Variants in RBFOX1 observed in about 807,000 individuals in gnomAD.
RBFOX1 encodes RNA binding protein fox-1 homolog 1.
In RBFOX1, 8 loss-of-function variants were observed where a neutral mutation model predicts 57.7. That is an observed-to-expected ratio of 0.14 (90% CI 0.08 to 0.25). RBFOX1 has a LOEUF of 0.25. Ranked by LOEUF, RBFOX1 falls within the 10% of genes least tolerant of loss-of-function variation. The probability of loss-of-function intolerance (pLI) is 1.00; values close to 1 mark genes in which losing one functional copy is unlikely to be tolerated. For synonymous variants in RBFOX1, 326 were observed against 222.4 expected (o/e 1.47, Z -4.15); for missense variants, 611 against 548.5 (o/e 1.11, Z -1.14).
At chr16:7,408,511 C>G (rs1165982764) in intron 4 of RBFOX1, among the ~76,000 whole-genome samples, 2 of 152,066 alleles carry the variant, frequency 1.3e-5, no homozygotes, top group African/African-American at 4.8e-5. Context: ...TAGCTAATTC[C>G]CGACACTTTT....
At chr16:6,181,873 T>A (rs2097065800) in intron 1 of RBFOX1, among the ~76,000 whole-genome samples, 1 of 152,192 alleles carries the variant, frequency 6.6e-6, no homozygotes, top group African/African-American at 2.4e-5. Flanking sequence ...TGGTTGTAGG[T>A]TCCTTCCAGC....
chr16:6,863,800 G>C (rs1466311448), intron 3 of RBFOX1, among the ~76,000 whole-genome samples: 1 of 131,288 alleles, frequency 7.6e-6, no homozygotes, highest in Non-Finnish European at 1.5e-5. Flanking sequence ...TTGTGATACA[G>C]TCTCAGGAGG....
rs1320305951 is a variant in RBFOX1, at chr16:6,656,917, C to A, written c.-16+2267C>A. Among the ~76,000 whole-genome samples, 29 of 134,318 alleles carry A rather than the reference C, an allele frequency of 2.2e-4. 2 individuals carry two copies. The highest frequency in any genetic ancestry group is 5.3e-4 in the African/African-American group (18 of 33,680). The allele number at this position is 134,318 out of a possible 152,430, so 88.1% of individuals were successfully genotyped here. On this transcript the variant is annotated intron_variant, in intron 3 of 15. Coordinates refer to ENST00000550418, the MANE Select transcript of RBFOX1 (RefSeq NM_018723.4). ...CCTCCCCTCAACTCTCCTCTCCTCCCCTCTCCTCTCCTCCCCTCTCCTCCC... is the reference window on the plus strand; with the variant it reads ...CCTCCCCTCAACTCTCCTCTCCTCCACTCTCCTCTCCTCCCCTCTCCTCCC...
At chr16:6,063,516 T>G (rs1356430235) in intron 1 of RBFOX1, among the ~76,000 whole-genome samples, 1 of 135,416 alleles carries the variant, frequency 7.4e-6, no homozygotes, top group Non-Finnish European at 1.7e-5. Context: ...CCCCCTTATA[T>G]TTTTCCCCTA....
chr16:7,261,494 C>A (rs979110689), intron 4 of RBFOX1, among the ~76,000 whole-genome samples: 4 of 152,100 alleles, frequency 2.6e-5, no homozygotes, highest in Admixed American at 1.3e-4. Flanking sequence ...CGTCTCCCTG[C>A]CAAAGGGAAC....
At position 5,890,633 on chromosome 16, in the gene RBFOX1, A is replaced by G. The variant is rs548760293; in HGVS notation, c.351+23298A>G. Reference sequence around the variant, plus strand: ...AATCGCTTGAACCCAGGAGGTGGAGATTGCAGTGAGCCGAGATCATACCAC... The same window carrying G: ...AATCGCTTGAACCCAGGAGGTGGAGGTTGCAGTGAGCCGAGATCATACCAC... On this transcript the variant is annotated intron_variant, in intron 4 of 19. Transcript: ENST00000641259. Among the ~76,000 whole-genome samples the G allele has an allele frequency of 1.0e-3, 146 of 139,658 alleles. 2 individuals are homozygous for G. Among genetic ancestry groups the G allele is most frequent in the Non-Finnish European group, 4.8e-4 (31 of 64,874 alleles). The allele number at this position is 139,658 out of a possible 152,430, so 91.6% of individuals were successfully genotyped here.
At chr16:6,604,824 T>C (rs763884178) in intron 2 of RBFOX1, among the ~76,000 whole-genome samples, 1 of 152,120 alleles carries the variant, frequency 6.6e-6, no homozygotes, top group Non-Finnish European at 1.5e-5. Context: ...TGTAACTGAA[T>C]GAATAGATGA....
In RBFOX1 at chr16:7,713,340, A is replaced by C. The variant is rs539163144; in HGVS notation, c.*2595A>C. ...AAATAAAAGCTTAGTCTGAAAAGGTACAAGTTGGTGTTCTGAGTTATTTGG... is the reference window on the plus strand; with the variant it reads ...AAATAAAAGCTTAGTCTGAAAAGGTCCAAGTTGGTGTTCTGAGTTATTTGG... On this transcript the variant is annotated 3_prime_UTR_variant, in exon 16 of 16. Transcript: ENST00000550418. 1 of 152,262 alleles carries C rather than the reference A, an allele frequency of 6.6e-6. No homozygotes were observed. Among genetic ancestry groups the C allele is most frequent in the Non-Finnish European group, 1.5e-5 (1 of 68,048 alleles). The allele number at this position is 152,262 out of a possible 1,614,324, so 9.4% of individuals were successfully genotyped here. A position where few individuals can be genotyped will look rare whatever the true frequency, so the allele number is the denominator to read the frequency against.
At chr16:7,356,147 T>C (rs999589338) in intron 4 of RBFOX1, among the ~76,000 whole-genome samples, 2 of 152,194 alleles carry the variant, frequency 1.3e-5, no homozygotes, top group African/African-American at 4.8e-5. Flanking sequence ...CAATCCTTTA[T>C]TCATCACGTA....
At chr16:5,541,143 C>A (rs1034189820) in intron 2 of RBFOX1, among the ~76,000 whole-genome samples, 8 of 152,078 alleles carry the variant, frequency 5.3e-5, no homozygotes, top group African/African-American at 1.9e-4. Flanking sequence ...AGCCTCCATG[C>A]CTGGCCTGAA....
At chr16:5,471,871 G>C (rs933828846) in intron 2 of RBFOX1, among the ~76,000 whole-genome samples, 17 of 152,176 alleles carry the variant, frequency 1.1e-4, no homozygotes, top group African/African-American at 3.4e-4. Context: ...ATCCTTGAAG[G>C]GGGTGTGTTT....
At chr16:7,673,738 A>T (rs539170568) in intron 13 of RBFOX1, among the ~76,000 whole-genome samples, 1 of 152,338 alleles carries the variant, frequency 6.6e-6, no homozygotes, top group East Asian at 1.9e-4. Flanking sequence ...TTTTTATATA[A>T]GGTTACATTT....
intron 3 of RBFOX1, chr16:6,775,973 G>T (rs2079262452): frequency 6.6e-6 from 1 of 152,208 alleles, no homozygotes; most frequent in African/African-American, 2.4e-5. Context: ...CAGGCATATC[G>T]ATTCCAAGTC....
chr16:6,147,202 A>G (rs947947363), intron 1 of RBFOX1, among the ~76,000 whole-genome samples: 1 of 152,116 alleles, frequency 6.6e-6, no homozygotes, highest in African/African-American at 2.4e-5. Context: ...CCTTTCATAG[A>G]TATTCTGTCT....
intron 4 of RBFOX1, among the ~76,000 whole-genome samples, chr16:5,878,277 C>T (rs375659053): frequency 5.9e-5 from 9 of 152,116 alleles, no homozygotes; most frequent in African/African-American, 1.9e-4. Context: ...GAACAGCCAG[C>T]AGTTATTAAT....
At chr16:6,680,294 T>C (rs12922737) in intron 3 of RBFOX1, among the ~76,000 whole-genome samples, 1 of 103,054 alleles carries the variant, frequency 9.7e-6, no homozygotes, top group Admixed American at 1.2e-4. Flanking sequence ...TTTTTTTTTT[T>C]ATTTGTCGCC....
intron 14 of RBFOX1, among the ~76,000 whole-genome samples, chr16:7,704,551 C>T (rs2081821850): frequency 6.6e-6 from 1 of 152,164 alleles, no homozygotes; most frequent in Non-Finnish European, 1.5e-5. Flanking sequence ...CTCTTTACTC[C>T]TTTGTCTTGC....
intron 2 of RBFOX1, among the ~76,000 whole-genome samples, chr16:6,527,494 A>G (rs1054999947): frequency 6.6e-6 from 1 of 152,130 alleles, no homozygotes; most frequent in African/African-American, 2.4e-5. Flanking sequence ...AGTTGAATGT[A>G]TAATTTTTAT....
At chr16:7,431,763 G>C (rs186317701) in intron 4 of RBFOX1, among the ~76,000 whole-genome samples, 1 of 152,232 alleles carries the variant, frequency 6.6e-6, no homozygotes, top group East Asian at 1.9e-4. Flanking sequence ...GAGGTTAAGT[G>C]GCCTGCTTTA....
Sources: allele counts gnomAD v4.1 joint callset (sites outside exome capture counted in the v4.1 genomes callset), GRCh38; gene constraint gnomAD v4.1.1; transcripts MANE v1.5; gene names NCBI Gene and HGNC (gene_info 2026-07-23, HGNC 2026-07-21).